The following TMPRSS9 variants were observed in gnomAD, a reference collection of about 807,000 sequenced individuals.
TMPRSS9 encodes transmembrane protease serine 9.
Under a neutral mutation model 111.4 loss-of-function variants are expected in TMPRSS9, and 113 were observed. That is an observed-to-expected ratio of 1.01 (90% CI 0.87 to 1.19). The LOEUF (loss-of-function observed/expected upper bound fraction) is 1.19, where lower values mean the gene tolerates loss of function less well. Ranked by LOEUF, TMPRSS9 falls within the 50% of genes most tolerant of loss-of-function variation. TMPRSS9 has a pLI of 0.00. For synonymous variants in TMPRSS9, 805 were observed against 659.1 expected (o/e 1.22, Z -3.39); for missense variants, 1,803 against 1,513.1 (o/e 1.19, Z -3.18).
At chr19:2,425,927 G>C in exon 18 of TMPRSS9, 1 of 1,592,856 alleles carries the variant, frequency 6.3e-7, no homozygotes, top group Non-Finnish European at 8.5e-7. Context: ...TCCCCAACAG[G>C]GTGACGCTGG....
chr19:2,390,615 G>A (rs1441056802), intron 1 of TMPRSS9, among the ~76,000 whole-genome samples: 1 of 151,548 alleles, frequency 6.6e-6, no homozygotes. Context: ...CAGCACTTTG[G>A]GAGGCTGAGG....
chr19:2,375,479 TG>T lies in TMPRSS9; in HGVS notation c.-25-14277del, dbSNP rs72373447. Among the ~76,000 whole-genome samples, 30 of 89,498 alleles carry T rather than the reference TG, an allele frequency of 3.4e-4. 1 individual carries two copies. The highest frequency in any genetic ancestry group is 1.5e-3 in the African/African-American group (21 of 14,346). The allele number at this position is 89,498 out of a possible 152,430, so 58.7% of individuals were successfully genotyped here. Reference sequence around the variant, plus strand: ...GGGTCCAGTGCGGACCAATCACTGATGGGGGATGGAGGGGTGGGAACTGTGA... The same window carrying T: ...GGGTCCAGTGCGGACCAATCACTGATGGGGATGGAGGGGTGGGAACTGTGA... On this transcript the variant is annotated intron_variant, in intron 1 of 17. Transcript: ENST00000649857.
rs1456851406 is a variant in TMPRSS9, at chr19:2,368,792, TTTTTTTTTTA to T, written c.-26+8433_-26+8442del. On this transcript the variant is annotated intron_variant, in intron 1 of 17. Transcript: ENST00000649857. ...AAACCCAGTTTTTTTTTTTTTTTTTTTTTTTTTTTAAAGACAGAGTCTCACTCTGTCGCCC... is the reference window on the plus strand; with the variant it reads ...AAACCCAGTTTTTTTTTTTTTTTTTTAAGACAGAGTCTCACTCTGTCGCCC... Among the ~76,000 whole-genome samples the T allele has an allele frequency of 5.6e-3, 677 of 120,684 alleles. 41 individuals are homozygous for T. The highest frequency in any genetic ancestry group is 0.024 in the African/African-American group (636 of 26,800). The allele number at this position is 120,684 out of a possible 152,430, so 79.2% of individuals were successfully genotyped here. A position where few individuals can be genotyped will look rare whatever the true frequency, so the allele number is the denominator to read the frequency against.
chr19:2,386,420 G>C (rs1970476302), upstream of TMPRSS9, among the ~76,000 whole-genome samples: 1 of 151,434 alleles, frequency 6.6e-6, no homozygotes, highest in Non-Finnish European at 1.5e-5. Flanking sequence ...CAGGAGAATG[G>C]CGTGAACCTG....
chr19:2,378,119 A>AT (rs1208332913), intron 1 of TMPRSS9, among the ~76,000 whole-genome samples: 2 of 152,096 alleles, frequency 1.3e-5, no homozygotes, highest in African/African-American at 4.8e-5. Context: ...GCCTCAAGCA[A>AT]TTCTCTTGCC....
intron 4 of TMPRSS9, among the ~76,000 whole-genome samples, chr19:2,399,683 T>C (rs1202351615): frequency 1.3e-5 from 2 of 152,246 alleles, no homozygotes; most frequent in South Asian, 2.1e-4. Flanking sequence ...TGTTGTGTTG[T>C]GTTGTGTTGT....
At chr19:2,424,953 C>CA in intron 15 of TMPRSS9, 49 bp from the exon 17 acceptor site, 1 of 1,410,232 alleles carries the variant, frequency 7.1e-7, no homozygotes, top group Non-Finnish European at 9.2e-7. Flanking sequence ...GGGGCGGGGG[C>CA]CGGGGGCGTG....
exon 10 of TMPRSS9, chr19:2,413,851 C>T (rs1371571008): frequency 6.2e-7 from 1 of 1,613,652 alleles, no homozygotes; most frequent in Non-Finnish European, 8.5e-7. Context: ...CTGGAGGCCA[C>T]CACCAAAGCC....
exon 11 of TMPRSS9, chr19:2,415,820 C>T (rs749027346): frequency 6.3e-7 from 1 of 1,597,566 alleles, no homozygotes; most frequent in East Asian, 2.3e-5. Flanking sequence ...TGGCTGCTGT[C>T]TGCCGCCCAC....
intron 1 of TMPRSS9, among the ~76,000 whole-genome samples, chr19:2,394,360 C>A (rs926396836): frequency 2.6e-5 from 4 of 151,622 alleles, no homozygotes; most frequent in Non-Finnish European, 5.9e-5. Flanking sequence ...GCACTGAAGC[C>A]CGAACAATAG....
intron 1 of TMPRSS9, among the ~76,000 whole-genome samples, chr19:2,361,108 C>T (rs981151657): frequency 6.1e-5 from 8 of 131,804 alleles, no homozygotes; most frequent in Admixed American, 3.3e-4. Flanking sequence ...TCAGGGGTGG[C>T]GGGAAAGGGG....
At chr19:2,384,250 G>C (rs1970426739) in intron 1 of TMPRSS9, among the ~76,000 whole-genome samples, 1 of 152,212 alleles carries the variant, frequency 6.6e-6, no homozygotes, top group Non-Finnish European at 1.5e-5. Context: ...GCGGAGGGGA[G>C]GCAATGAGAT....
intron 14 of TMPRSS9, 69 bp downstream of exon 15, chr19:2,422,316 A>G (rs1971485823): frequency 1.2e-5 from 17 of 1,461,676 alleles, no homozygotes; most frequent in Non-Finnish European, 1.4e-5. Context: ...GCTGCCTAAC[A>G]AGACATAACG....
chr19:2,425,157 C>G (rs1226779780), exon 16 of TMPRSS9: 1 of 1,570,678 alleles, frequency 6.4e-7, no homozygotes, highest in East Asian at 2.3e-5. Flanking sequence ...CTGGCGGGGC[C>G]GGTGCGTCGC....
chr19:2,420,625 TTC>T (rs1971442366), intron 13 of TMPRSS9, among the ~76,000 whole-genome samples: 1 of 152,076 alleles, frequency 6.6e-6, no homozygotes, highest in African/African-American at 2.4e-5. Context: ...TCAATCAGAC[TTC>T]TGAGTTCAAA....
Position 2,418,252 on chromosome 19 carries a change from CTCCTTCCCTCCTTG to C in TMPRSS9, c.2154+128_2154+141del, listed in dbSNP as rs370249123. On this transcript the variant is annotated intron_variant, in intron 13 of 17. Transcript: ENST00000648592. ...TTTTTTCCTTTCTTTCCTTCCCCCCCTCCTTCCCTCCTTGTCCTTCCCTCCTTTTCCTTTCCTCC... is the reference window on the plus strand; with the variant it reads ...TTTTTTCCTTTCTTTCCTTCCCCCCCTCCTTCCCTCCTTTTCCTTTCCTCC... The C allele has an allele frequency of 1.7e-4, 180 of 1,086,272 alleles. 13 individuals carry two copies. The highest frequency in any genetic ancestry group is 1.2e-3 in the African/African-American group (56 of 45,184). The allele number at this position is 1,086,272 out of a possible 1,614,324, so 67.3% of individuals were successfully genotyped here.
Position 2,410,328 on chromosome 19 carries a change from C to G in TMPRSS9, c.1188C>G (p.Tyr396Ter). The G allele has an allele frequency of 6.2e-7, 1 of 1,614,080 alleles. No homozygotes were observed. The highest frequency in any genetic ancestry group is 8.5e-7 in the Non-Finnish European group (1 of 1,180,004). Residue 396 changes from tyrosine to a stop codon, truncating the protein, a stop_gained, in exon 9 of 18, where the codon TAC (tyrosine) becomes TAG (stop). Coordinates refer to ENST00000648592, the Ensembl canonical transcript of TMPRSS9. LOFTEE classifies it high-confidence loss of function. ...ACCAGGCACTGTGTGCCAGCTTGTA[C>G]GGCCATTCACTCACTGACAGGATGG...
chr19:2,409,024 A>AATAATAATG (rs1291809091), intron 8 of TMPRSS9, among the ~76,000 whole-genome samples: 2 of 144,216 alleles, frequency 1.4e-5, no homozygotes, highest in African/African-American at 5.2e-5. Flanking sequence ...TAATAATAAT[A>AATAATAATG]ATAATAATGA....
intron 1 of TMPRSS9, among the ~76,000 whole-genome samples, chr19:2,360,661 G>A (rs1568463356): frequency 1.3e-5 from 2 of 151,702 alleles, no homozygotes; most frequent in African/African-American, 2.4e-5. Context: ...CGCAGGTGCG[G>A]CGTGTAGATG....
Sources: allele counts gnomAD v4.1 joint callset (sites outside exome capture counted in the v4.1 genomes callset), GRCh38; gene constraint gnomAD v4.1.1; transcripts MANE v1.5; gene names NCBI Gene and HGNC (gene_info 2026-07-23, HGNC 2026-07-21).